The following DCAF5 variants were observed in gnomAD, a reference collection of about 807,000 sequenced individuals.
The protein encoded by DCAF5 is DDB1 and CUL4 associated factor 5.
DCAF5 carries 9 observed loss-of-function variants against 80.7 expected under a neutral mutation model. The ratio of observed to expected loss-of-function variants is 0.11; its 90% CI spans 0.07 to 0.19. The LOEUF is 0.19. Among genes scored for constraint, DCAF5 ranks in the 10% least tolerant of loss-of-function variants. DCAF5 has a pLI of 1.00. For synonymous variants in DCAF5, 433 were observed against 461.9 expected (o/e 0.94, Z 0.80); for missense variants, 842 against 1,205.7 (o/e 0.70, Z 4.47).
At chr14:69,138,112 T>C (rs549174862) in intron 1 of DCAF5, among the ~76,000 whole-genome samples, 2 of 151,524 alleles carry the variant, frequency 1.3e-5, no homozygotes, top group Admixed American at 6.6e-5. Context: ...GCCATCAACA[T>C]AGTCAAGACA....
At chr14:69,057,579 C>T (rs1439952107) in intron 8 of DCAF5, among the ~76,000 whole-genome samples, 1 of 152,202 alleles carries the variant, frequency 6.6e-6, no homozygotes, top group Non-Finnish European at 1.5e-5. Flanking sequence ...CCAGCTCCTA[C>T]ATTTTCCCTT....
chr14:69,128,623 A>G (rs1350529051), intron 1 of DCAF5, among the ~76,000 whole-genome samples: 3 of 152,158 alleles, frequency 2.0e-5, no homozygotes, highest in African/African-American at 7.2e-5. Context: ...CAGCTTAAGT[A>G]AAAACAGAAT....
intron 8 of DCAF5, among the ~76,000 whole-genome samples, chr14:69,059,211 A>C (rs1231594520): frequency 6.6e-6 from 1 of 152,026 alleles, no homozygotes; most frequent in East Asian, 1.9e-4. Context: ...CAGCCTCCCG[A>C]GTAACTGAGA....
At chr14:69,117,487 G>A (rs560302417) in intron 4 of DCAF5, among the ~76,000 whole-genome samples, 90 of 152,296 alleles carry the variant, frequency 5.9e-4, no homozygotes, top group African/African-American at 2.1e-3. Flanking sequence ...TGCACTAAAG[G>A]CCACGGTGGG....
chr14:69,109,402 A>G (rs932505201), intron 5 of DCAF5, among the ~76,000 whole-genome samples: 5 of 152,146 alleles, frequency 3.3e-5, no homozygotes, highest in Admixed American at 6.5e-5. Flanking sequence ...GCATTGCTCA[A>G]TAAAAATTTA....
chr14:69,077,894 T>C (rs2038960846), intron 6 of DCAF5, among the ~76,000 whole-genome samples: 1 of 152,170 alleles, frequency 6.6e-6, no homozygotes, highest in Non-Finnish European at 1.5e-5. Flanking sequence ...ATGCTATCTA[T>C]AGGGATTAGG....
intron 6 of DCAF5, among the ~76,000 whole-genome samples, chr14:69,081,159 C>A (rs891159756): frequency 3.9e-5 from 6 of 151,932 alleles, no homozygotes; most frequent in African/African-American, 1.5e-4. Context: ...GGGCGGGGCT[C>A]CAAGAGGAAG....
intron 6 of DCAF5, chr14:69,085,440 T>C: frequency 2.2e-6 from 1 of 448,030 alleles, no homozygotes; most frequent in Non-Finnish European, 4.3e-6. Context: ...ATGATTCTTT[T>C]CCTCCCTTGA....
At chr14:69,112,042 G>A (rs1440304179) in intron 5 of DCAF5, among the ~76,000 whole-genome samples, 2 of 152,138 alleles carry the variant, frequency 1.3e-5, no homozygotes, top group Admixed American at 6.5e-5. Flanking sequence ...ATAAAGGTCC[G>A]ACAATATCAG....
intron 5 of DCAF5, among the ~76,000 whole-genome samples, chr14:69,101,421 C>T (rs1018519426): frequency 2.0e-5 from 3 of 152,136 alleles, no homozygotes; most frequent in African/African-American, 7.2e-5. Flanking sequence ...ATGAACAGTG[C>T]TGTAATAAGG....
intron 7 of DCAF5, among the ~76,000 whole-genome samples, chr14:69,072,640 A>C: frequency 6.6e-6 from 1 of 151,688 alleles, no homozygotes; most frequent in East Asian, 1.9e-4. Flanking sequence ...AAAAAAAAAA[A>C]AAAAACGAGA....
At chr14:69,121,933 GTCTGTGTGTGTT>G (rs2040733723) in intron 2 of DCAF5, among the ~76,000 whole-genome samples, 1 of 152,126 alleles carries the variant, frequency 6.6e-6, no homozygotes, top group African/African-American at 2.4e-5. Context: ...ATGTGTGTGT[GTCTGTGTGTGTT>G]TCTGTGTACC....
chr14:69,128,569 C>T (rs1453383672), intron 1 of DCAF5, among the ~76,000 whole-genome samples: 3 of 152,200 alleles, frequency 2.0e-5, no homozygotes. Flanking sequence ...CTGGGATACT[C>T]ATGGCTCACT....
chr14:69,120,726 C>T (rs1458603792), intron 2 of DCAF5, among the ~76,000 whole-genome samples: 2 of 152,142 alleles, frequency 1.3e-5, no homozygotes, highest in African/African-American at 4.8e-5. Context: ...CCAATGAAAT[C>T]AGTAAACCCA....
intron 6 of DCAF5, among the ~76,000 whole-genome samples, chr14:69,086,118 A>G (rs571231064): frequency 1.1e-4 from 17 of 152,254 alleles, no homozygotes; most frequent in African/African-American, 4.1e-4. Context: ...GCACTTTGGG[A>G]GGCTGAGGTG....
chr14:69,133,362 T>C (rs1231190457), intron 1 of DCAF5, among the ~76,000 whole-genome samples: 2 of 152,098 alleles, frequency 1.3e-5, no homozygotes, highest in Admixed American at 1.3e-4. Flanking sequence ...CTGAAGAATA[T>C]ATCTGTATTT....
Position 69,062,459 on chromosome 14 carries a change from T to A in DCAF5, c.999A>T (p.Arg333=), listed in dbSNP as rs768589597. The part of the protein sequence containing the change: ...NGAFMVLKGH[R]SIVNQVRFNP... ...TAAATCGGACTTGGTTAACAATAGA[T>A]CGATGCCCTTTCAGCACCATGAAGG... Residue 333 remains arginine, a synonymous_variant, in exon 8 of 9, where the codon CGA becomes CGT. Coordinates refer to ENST00000341516, the MANE Select transcript of DCAF5 (RefSeq NM_003861.3). 6 of 1,613,878 alleles carry A rather than the reference T, an allele frequency of 3.7e-6. No homozygotes were observed. The South Asian group carries it at 5.5e-5, about 15-fold the overall frequency.
intron 1 of DCAF5, among the ~76,000 whole-genome samples, chr14:69,124,292 T>A (rs754657998): frequency 1.3e-5 from 2 of 152,218 alleles, no homozygotes; most frequent in African/African-American, 4.8e-5. Flanking sequence ...TGAACACAAG[T>A]GTACAAATAA....
At position 69,105,944 on chromosome 14, in the gene DCAF5, T is replaced by TATATATATATATATATATA. The variant is rs35270301; in HGVS notation, c.665+10421_665+10422insTATATATATATATATATAT. ...ATATATATATATATATATATATATA[T>TATATATATATATATATATA]ATCTCCTATTGGTTCTGTTCCTCTG... is the stretch of plus-strand genomic sequence containing the variant. On this transcript the variant is annotated intron_variant, in intron 5 of 8. Transcript: ENST00000341516. Among the ~76,000 whole-genome samples, 454 of 85,118 alleles carry TATATATATATATATATATA rather than the reference T, an allele frequency of 5.3e-3. 57 individuals are homozygous for TATATATATATATATATATA. The highest frequency in any genetic ancestry group is 8.9e-3 in the Non-Finnish European group (289 of 32,504). The allele number at this position is 85,118 out of a possible 152,430, so 55.8% of individuals were successfully genotyped here.
Sources: allele counts gnomAD v4.1 joint callset (sites outside exome capture counted in the v4.1 genomes callset), GRCh38; gene constraint gnomAD v4.1.1; transcripts MANE v1.5; gene names NCBI Gene and HGNC (gene_info 2026-07-23, HGNC 2026-07-21).